The following SMARCAD1 variants were observed in gnomAD, a reference collection of about 807,000 sequenced individuals.
The protein encoded by SMARCAD1 is SWI/SNF-related matrix-associated actin-dependent regulator of chromatin subfamily A containing DEAD/H box 1.
SMARCAD1 carries 25 observed loss-of-function variants against 127.1 expected under a neutral mutation model. The observed-to-expected ratio is 0.20, with a 90% CI of 0.14 to 0.27. SMARCAD1 has a LOEUF of 0.27. Among genes scored for constraint, SMARCAD1 ranks in the 10% least tolerant of loss-of-function variants. The pLI is 1.00. For missense variants in SMARCAD1, 807 were observed against 1,206.0 expected (o/e 0.67, Z 4.90); for synonymous variants, 400 against 396.9 (o/e 1.01, Z -0.09).
intron 2 of SMARCAD1, among the ~76,000 whole-genome samples, chr4:94,212,648 G>A (rs772672031): frequency 5.3e-5 from 8 of 151,908 alleles, no homozygotes; most frequent in South Asian, 2.1e-4. Flanking sequence ...CACCACAGCC[G>A]GCTAATTTTT....
intron 4 of SMARCAD1, among the ~76,000 whole-genome samples, chr4:94,236,673 A>G (rs1746703116): frequency 6.6e-6 from 1 of 152,154 alleles, no homozygotes; most frequent in Non-Finnish European, 1.5e-5. Context: ...TAAAATAGCA[A>G]AAACCTAGAA....
chr4:94,241,660 C>T (rs564702300), intron 6 of SMARCAD1, among the ~76,000 whole-genome samples: 51 of 152,266 alleles, frequency 3.3e-4, no homozygotes, highest in Admixed American at 3.1e-3. Context: ...CATGATGAAT[C>T]GTGAAGGTGT....
intron 9 of SMARCAD1, among the ~76,000 whole-genome samples, chr4:94,260,885 T>A (rs890691624): frequency 6.6e-6 from 1 of 152,176 alleles, no homozygotes; most frequent in Non-Finnish European, 1.5e-5. Context: ...AAAATTTTTT[T>A]AATAAATAAA....
intron 9 of SMARCAD1, among the ~76,000 whole-genome samples, chr4:94,263,532 A>G (rs1324879859): frequency 6.6e-6 from 1 of 152,042 alleles, no homozygotes; most frequent in Non-Finnish European, 1.5e-5. Context: ...GATATTTTGT[A>G]TATTTCCAAG....
At chr4:94,286,550 C>G (rs1560573266) in intron 23 of SMARCAD1, among the ~76,000 whole-genome samples, 1 of 152,114 alleles carries the variant, frequency 6.6e-6, no homozygotes, top group Non-Finnish European at 1.5e-5. Context: ...TCCATTCTTT[C>G]ATCGTTTTCT....
Position 94,207,979 on chromosome 4 carries a change from AG to A in SMARCAD1, c.-136del. ...GCCCTGGCAGGTCCTTTCTCGAGGCAGGGGGCACGGTAGCACAGGGAGCTTC... is the reference window on the plus strand; with the variant it reads ...GCCCTGGCAGGTCCTTTCTCGAGGCAGGGGCACGGTAGCACAGGGAGCTTC... On this transcript the variant is annotated 5_prime_UTR_variant, in exon 1 of 24. The change abolishes the stop of an existing upstream ORF in the 5' untranslated region. Coordinates refer to ENST00000354268, the MANE Select transcript of SMARCAD1 (RefSeq NM_020159.5). 2.7e-6 allele frequency: 1 copy of A among 368,054 alleles called. No homozygotes were observed. The highest frequency in any genetic ancestry group is 5.3e-6 in the Non-Finnish European group (1 of 187,616). The allele number at this position is 368,054 out of a possible 1,614,324, so 22.8% of individuals were successfully genotyped here. A position where few individuals can be genotyped will look rare whatever the true frequency, so the allele number is the denominator to read the frequency against.
intron 2 of SMARCAD1, among the ~76,000 whole-genome samples, chr4:94,216,066 A>G (rs1743121282): frequency 6.6e-6 from 1 of 152,144 alleles, no homozygotes; most frequent in Non-Finnish European, 1.5e-5. Flanking sequence ...AAGGTGCTGC[A>G]AGATTAGGTA....
chr4:94,229,748 G>A (rs964423153), intron 3 of SMARCAD1, among the ~76,000 whole-genome samples: 4 of 151,738 alleles, frequency 2.6e-5, no homozygotes, highest in Non-Finnish European at 4.4e-5. Context: ...ATACTCGGGT[G>A]TAGGGGGTTG....
At chr4:94,286,398 A>G (rs536262906) in intron 23 of SMARCAD1, among the ~76,000 whole-genome samples, 1 of 152,298 alleles carries the variant, frequency 6.6e-6, no homozygotes, top group South Asian at 2.1e-4. Context: ...TACCTGTTCA[A>G]GCTGATTATA....
chr4:94,288,067 G>GAA (rs1755204744), intron 23 of SMARCAD1, among the ~76,000 whole-genome samples: 2 of 152,016 alleles, frequency 1.3e-5, no homozygotes, highest in Non-Finnish European at 2.9e-5. Context: ...TGTGACATTT[G>GAA]CAGTGTTTGT....
intron 2 of SMARCAD1, among the ~76,000 whole-genome samples, chr4:94,218,900 C>A (rs1041674325): frequency 1.3e-5 from 2 of 152,120 alleles, no homozygotes; most frequent in African/African-American, 4.8e-5. Context: ...CAACCTCTGT[C>A]TCCTGGGTTC....
chr4:94,253,781 A>T, intron 9 of SMARCAD1: 1 of 737,984 alleles, frequency 1.4e-6, no homozygotes, highest in Non-Finnish European at 1.7e-6. Context: ...ATCAAATCTT[A>T]TTCATACAGA....
At chr4:94,260,103 C>G (rs1750733813) in intron 9 of SMARCAD1, among the ~76,000 whole-genome samples, 1 of 152,066 alleles carries the variant, frequency 6.6e-6, no homozygotes, top group Admixed American at 6.6e-5. Flanking sequence ...ACTCTCCTGT[C>G]TAAACTTTTC....
rs190769457 is a variant in SMARCAD1 at position 94,208,210 on chromosome 4, A to G, written c.-49-136A>G. The G allele has an allele frequency of 2.4e-4, 172 of 731,882 alleles. No homozygotes were observed. The East Asian group carries it at 2.5e-3, about 10-fold the overall frequency. 45.3% of individuals were successfully genotyped at this position (731,882 alleles called of 1,614,324 possible). On this transcript the variant is annotated intron_variant, in intron 1 of 23. Transcript: ENST00000354268. ...ACCTTCTAATTGTTGCGGCCTAACA[A>G]TGAAGCGCAGCCATAACAGTCCTGA...
chr4:94,255,581 A>G (rs1007785830), intron 9 of SMARCAD1, among the ~76,000 whole-genome samples: 4 of 151,906 alleles, frequency 2.6e-5, no homozygotes, highest in African/African-American at 9.7e-5. Flanking sequence ...AAATGTAAGT[A>G]TAATATACTT....
intron 8 of SMARCAD1, among the ~76,000 whole-genome samples, chr4:94,252,082 C>T (rs1020122273): frequency 2.6e-5 from 4 of 152,134 alleles, no homozygotes; most frequent in Non-Finnish European, 5.9e-5. Flanking sequence ...GAACTCCTGA[C>T]CTTGTGATCT....
intron 22 of SMARCAD1, among the ~76,000 whole-genome samples, chr4:94,284,372 C>T (rs1216169275): frequency 1.5e-5 from 2 of 136,460 alleles, no homozygotes; most frequent in Admixed American, 7.4e-5. Context: ...TAATTTCCAT[C>T]TGAACACAGA....
At chr4:94,267,474 AAT>A (rs1202973204) in intron 10 of SMARCAD1, among the ~76,000 whole-genome samples, 1 of 152,056 alleles carries the variant, frequency 6.6e-6, no homozygotes, top group Non-Finnish European at 1.5e-5. Context: ...TTTAAACTCA[AAT>A]TTATCACATC....
At chr4:94,216,302 T>G (rs893660918) in intron 2 of SMARCAD1, among the ~76,000 whole-genome samples, 1 of 152,158 alleles carries the variant, frequency 6.6e-6, no homozygotes, top group African/African-American at 2.4e-5. Context: ...AAACAGACCA[T>G]AGCACCCCCT....
Sources: gnomAD v4.1 joint callset for allele counts (sites outside exome capture counted in the v4.1 genomes callset) on GRCh38, gnomAD v4.1.1 for gene constraint, MANE v1.5 for transcripts, NCBI Gene and HGNC (gene_info 2026-07-23, HGNC 2026-07-21) for gene names.